Variants in DGLUCY observed in about 807,000 individuals in gnomAD.
DGLUCY encodes the protein D-glutamate cyclase, also known as D-glutamate cyclase, mitochondrial.
In DGLUCY, 58 loss-of-function variants were observed where a neutral mutation model predicts 58.5. That is an observed-to-expected ratio of 0.99 (90% confidence interval 0.80 to 1.23). DGLUCY has a LOEUF of 1.23. Ranked by LOEUF, DGLUCY falls within the 50% of genes most tolerant of loss-of-function variation. DGLUCY has a pLI of 0.00. For synonymous variants in DGLUCY, 325 were observed against 314.1 expected (o/e 1.03, Z -0.37); for missense variants, 779 against 784.7 (o/e 0.99, Z 0.09).
chr14:91,074,308 AAAAAATAT>A (rs2043981712), intron 1 of DGLUCY, among the ~76,000 whole-genome samples: 1 of 142,246 alleles, frequency 7.0e-6, no homozygotes, highest in Admixed American at 7.1e-5. Context: ...AAAAAAAAAA[AAAAAATAT>A]ATATATATAT....
At chr14:91,075,152 T>G (rs1010704357) in intron 1 of DGLUCY, among the ~76,000 whole-genome samples, 1 of 152,214 alleles carries the variant, frequency 6.6e-6, no homozygotes, top group African/African-American at 2.4e-5. Flanking sequence ...TTTGCCTTTC[T>G]TGCATTTTTT....
chr14:91,191,993 A>G (rs2049930060), intron 9 of DGLUCY, among the ~76,000 whole-genome samples: 1 of 152,188 alleles, frequency 6.6e-6, no homozygotes, highest in Admixed American at 6.5e-5. Context: ...CAAATACCAT[A>G]TGGTCTAGCA....
chr14:91,102,526 G>C (rs1337596379), intron 1 of DGLUCY, among the ~76,000 whole-genome samples: 1 of 152,056 alleles, frequency 6.6e-6, no homozygotes, highest in Non-Finnish European at 1.5e-5. Flanking sequence ...AAGGAAAGTG[G>C]CATTGAGGGT....
intron 1 of DGLUCY, among the ~76,000 whole-genome samples, chr14:91,133,743 T>C (rs2046169145): frequency 6.6e-6 from 1 of 152,132 alleles, no homozygotes; most frequent in Non-Finnish European, 1.5e-5. Context: ...GCTACACCAT[T>C]TTACCATCAC....
chr14:91,119,611 T>A (rs1310987032), intron 1 of DGLUCY, among the ~76,000 whole-genome samples: 1 of 152,222 alleles, frequency 6.6e-6, no homozygotes, highest in Non-Finnish European at 1.5e-5. Flanking sequence ...CAGCCCTTCC[T>A]GCCTTTTGCC....
At position 91,199,958 on chromosome 14, in the gene DGLUCY, TTTGTTGTTG is replaced by T. The variant is rs370074457; in HGVS notation, c.1444+62_1444+70del. 2.5e-6 allele frequency: 4 copies of T among 1,604,802 alleles called. No individual in the cohort carries two copies. In the East Asian group the frequency reaches 8.9e-5, roughly 36 times the overall value. Reference sequence around the variant, plus strand: ...AAGAACGTGGCCCCATGAAGTGTCTTTTGTTGTTGTTGTTGTTATGGAGTCTTGCTCTGT... The same window carrying T: ...AAGAACGTGGCCCCATGAAGTGTCTTTTGTTGTTATGGAGTCTTGCTCTGT... On this transcript the variant is annotated intron_variant, in intron 11 of 13. Coordinates refer to ENST00000256324, the MANE Select transcript of DGLUCY (RefSeq NM_001102368.3).
intron 7 of DGLUCY, among the ~76,000 whole-genome samples, chr14:91,176,710 G>A (rs2048875206): frequency 6.6e-6 from 1 of 152,016 alleles, no homozygotes; most frequent in Non-Finnish European, 1.5e-5. Context: ...AGCGAGGGAG[G>A]TGTGCCTCAG....
intron 1 of DGLUCY, among the ~76,000 whole-genome samples, chr14:91,064,206 C>G (rs772542342): frequency 3.9e-5 from 6 of 152,026 alleles, no homozygotes; most frequent in Non-Finnish European, 5.9e-5. Flanking sequence ...TTTGAGACAT[C>G]CAGGGCCAAA....
intron 10 of DGLUCY, among the ~76,000 whole-genome samples, chr14:91,196,917 T>C (rs2050254696): frequency 1.3e-5 from 2 of 152,136 alleles, no homozygotes; most frequent in Non-Finnish European, 2.9e-5. Flanking sequence ...CTCATAAGAC[T>C]GTGTACATGC....
intron 12 of DGLUCY, among the ~76,000 whole-genome samples, chr14:91,208,037 C>G (rs1350554221): frequency 6.6e-6 from 1 of 152,182 alleles, no homozygotes; most frequent in Non-Finnish European, 1.5e-5. Context: ...AGAGAGCCAC[C>G]ACGCCCGGCC....
At chr14:91,208,060 T>C (rs1347206651) in intron 12 of DGLUCY, among the ~76,000 whole-genome samples, 1 of 152,180 alleles carries the variant, frequency 6.6e-6, no homozygotes, top group African/African-American at 2.4e-5. Context: ...CTTTAATCTT[T>C]ACATTACTGA....
intron 7 of DGLUCY, among the ~76,000 whole-genome samples, chr14:91,177,126 G>A (rs1197932829): frequency 6.6e-6 from 1 of 151,984 alleles, no homozygotes; most frequent in Non-Finnish European, 1.5e-5. Flanking sequence ...AGCTTCCCAG[G>A]TAGCTGGGAC....
chr14:91,164,395 A>G (rs2048161839), intron 3 of DGLUCY, among the ~76,000 whole-genome samples: 3 of 152,232 alleles, frequency 2.0e-5, no homozygotes, highest in Admixed American at 2.0e-4. Flanking sequence ...TGGTTCTAGT[A>G]GATGTTCTTT....
intron 8 of DGLUCY, among the ~76,000 whole-genome samples, chr14:91,186,316 A>G (rs1192764598): frequency 1.3e-5 from 2 of 151,824 alleles, no homozygotes; most frequent in African/African-American, 4.8e-5. Context: ...GTGCGATCTC[A>G]GCTCACTGCA....
intron 1 of DGLUCY, among the ~76,000 whole-genome samples, chr14:91,143,057 AT>A (rs1462517978): frequency 6.8e-6 from 1 of 147,344 alleles, no homozygotes; most frequent in African/African-American, 2.5e-5. Context: ...AAAGGATCTA[AT>A]GGCAGTTTTG....
At chr14:91,072,042 G>C (rs1316268233) in intron 1 of DGLUCY, among the ~76,000 whole-genome samples, 1 of 152,006 alleles carries the variant, frequency 6.6e-6, no homozygotes, top group Non-Finnish European at 1.5e-5. Context: ...ATGAACTCCA[G>C]CCAGGCGTTG....
At chr14:91,173,145 AT>A (rs2140413446) in intron 5 of DGLUCY, 143 bp from the exon 6 acceptor site, 1 of 897,622 alleles carries the variant, frequency 1.1e-6, no homozygotes, top group East Asian at 2.6e-5. Flanking sequence ...CCCTCTCTCT[AT>A]GTCACATAAA....
Position 91,173,360 on chromosome 14 carries a change from G to A in DGLUCY, c.528G>A (p.Lys176=). 1.2e-6 allele frequency: 2 copies of A among 1,613,314 alleles called. No homozygotes were observed. Among genetic ancestry groups the A allele is most frequent in the Non-Finnish European group, 1.7e-6 (2 of 1,179,862 alleles). The part of the protein sequence containing the change: ...PLVVTMRPIP[K]DKLEGLVRAC... ...TGGTCACGATGAGGCCCATTCCCAA[G>A]GACAAGCTGGAAGGGCTGGTGCGGG... The change falls in exon 6 of 14, where the codon AAG becomes AAA. Residue 176 remains lysine, a synonymous_variant. Coordinates refer to ENST00000256324, the MANE Select transcript of DGLUCY (RefSeq NM_001102368.3).
rs1046758795 is a variant in DGLUCY, at chr14:91,176,115, A to C, written c.730+59A>C. The C allele has an allele frequency of 7.7e-6, 12 of 1,568,344 alleles. No homozygotes were observed. The African/African-American group carries it at 1.6e-4, about 21-fold the overall frequency. ...CCTAGGATGGAGCCCAGTGGGGTCT[A>C]GTTCTTGAAAGCATATTCTCGTAGT... On this transcript the variant is annotated intron_variant, in intron 7 of 13. Coordinates refer to ENST00000256324, the MANE Select transcript of DGLUCY (RefSeq NM_001102368.3).
Sources: gnomAD v4.1 joint callset for allele counts (sites outside exome capture counted in the v4.1 genomes callset) on GRCh38, gnomAD v4.1.1 for gene constraint, MANE v1.5 for transcripts, NCBI Gene and HGNC (gene_info 2026-07-23, HGNC 2026-07-21) for gene names.